Variants in SOX10 observed in about 807,000 individuals in gnomAD.
The protein encoded by SOX10 is transcription factor SOX-10.
In SOX10, 3 loss-of-function variants were observed where a neutral mutation model predicts 35.0. The observed-to-expected ratio is 0.09, with a 90% CI of 0.04 to 0.22. SOX10 has a LOEUF of 0.22. SOX10 is among the 10% of genes least tolerant of loss of function. The pLI is 1.00. For missense variants in SOX10, 436 were observed against 655.1 expected, an observed-to-expected ratio of 0.67 and a Z score of 3.65; for synonymous variants, 285 against 291.0, an observed-to-expected ratio of 0.98 and a Z score of 0.21.
rs1185830797 is a variant in SOX10 at position 37,978,390 on chromosome 22, C to T, written c.429-255G>A. Among the ~76,000 whole-genome samples, 1 of 152,208 alleles carries T rather than the reference C, an allele frequency of 6.6e-6. No homozygotes were observed. Among genetic ancestry groups the T allele is most frequent in the African/African-American group, 2.4e-5 (1 of 41,452 alleles). ...CTGGAGGGTGAGAGAGGGGTCAGCCCGCTGCTCCTGGCAGCCCCTGAGGAG... is the reference window on the plus strand; with the variant it reads ...CTGGAGGGTGAGAGAGGGGTCAGCCTGCTGCTCCTGGCAGCCCCTGAGGAG... On this transcript the variant is annotated intron_variant, in intron 2 of 3. Coordinates refer to ENST00000396884, the MANE Select transcript of SOX10 (RefSeq NM_006941.4). The surrounding 1 kb of genome is among the most constrained non-coding windows in gnomAD (Gnocchi z 5.0).
rs1932368162 is a variant in SOX10, at chr22:37,980,598, C to T, written c.429-2463G>A. 6.6e-6 allele frequency among the ~76,000 whole-genome samples: 1 copy of T among 152,136 alleles called. No homozygotes were observed. The highest frequency in any genetic ancestry group is 1.5e-5 in the Non-Finnish European group (1 of 68,022). ...ACCCCAACCCCAAGCCCAGCCTGCCCACCATGTAAACCCAATCTCCAGCAC... is the reference window on the plus strand; with the variant it reads ...ACCCCAACCCCAAGCCCAGCCTGCCTACCATGTAAACCCAATCTCCAGCAC... On this transcript the variant is annotated intron_variant, in intron 2 of 3. Coordinates refer to ENST00000396884, the MANE Select transcript of SOX10 (RefSeq NM_006941.4). The surrounding 1 kb of genome is among the most constrained non-coding windows in gnomAD (Gnocchi z 4.1).
At chr22:37,981,457 A>C (rs1932393283) in intron 2 of SOX10, among the ~76,000 whole-genome samples, 1 of 152,190 alleles carries the variant, frequency 6.6e-6, no homozygotes, top group African/African-American at 2.4e-5. Context: ...CCCTGTGCAC[A>C]CAGCTTGAGT....
Position 37,983,779 on chromosome 22 carries a change from C to T in SOX10, c.6G>A (p.Ala2=), listed in dbSNP as rs1443703462. The change falls in exon 2 of 4, where the codon GCG becomes GCA. Residue 2 remains alanine (A), a synonymous_variant. Coordinates refer to ENST00000396884, the MANE Select transcript of SOX10 (RefSeq NM_006941.4). This position sits in a 1 kb window ranked among gnomAD's most constrained non-coding sequence, Gnocchi z 9.5. ...CCACCTCCGATAGGTCCTGCTCCTC[C>T]GCCATGTCGCCCCCGGCCGCCGCCG... The part of the protein sequence containing the change: M[A]EEQDLSEVEL... The T allele has an allele frequency of 3.5e-6, 5 of 1,448,456 alleles. No homozygotes were observed. Among genetic ancestry groups the T allele is most frequent in the African/African-American group, 1.5e-5 (1 of 66,934 alleles). 89.7% of individuals were successfully genotyped at this position (1,448,456 alleles called of 1,614,324 possible).
At chr22:37,977,170 G>GA (rs796380875) in intron 3 of SOX10, among the ~76,000 whole-genome samples, 344 of 116,484 alleles carry the variant, frequency 3.0e-3, no homozygotes, top group African/African-American at 3.4e-3. Flanking sequence ...TCTGTCTCCA[G>GA]AAAAAAAAAA....
intron 2 of SOX10, among the ~76,000 whole-genome samples, chr22:37,981,466 G>T (rs1046747405): frequency 6.6e-6 from 1 of 152,226 alleles, no homozygotes; most frequent in African/African-American, 2.4e-5. Context: ...CACAGCTTGA[G>T]TGATGGCCAA....
chr22:37,983,841 G>C lies in SOX10; in HGVS notation c.-57C>G. 7.5e-7 allele frequency: 1 copy of C among 1,331,198 alleles called. No individual in the cohort carries two copies. Among genetic ancestry groups the C allele is most frequent in the Non-Finnish European group, 9.6e-7 (1 of 1,039,136 alleles). The allele number at this position is 1,331,198 out of a possible 1,614,324, so 82.5% of individuals were successfully genotyped here. On this transcript the variant is annotated 5_prime_UTR_variant, in exon 2 of 4. Transcript: ENST00000396884. This position sits in a 1 kb window ranked among gnomAD's most constrained non-coding sequence, Gnocchi z 9.5. ...GCCGCCTCCCCCGGGCCAGCCGCCG[G>C]GGTCCTCGCAAAGAGTCCAACGCCC... is the stretch of plus-strand genomic sequence containing the variant.
In SOX10 at chr22:37,980,656, C is replaced by T. The variant is rs1932369950; in HGVS notation, c.429-2521G>A. The stretch of plus-strand genomic sequence containing the variant: ...CACTCAACATTACCAGCCCCAAACC[C>T]CCAACTTCGCCTCCAGCTCTAACTC... On this transcript the variant is annotated intron_variant, in intron 2 of 3. Transcript: ENST00000396884. The surrounding 1 kb of genome is among the most constrained non-coding windows in gnomAD (Gnocchi z 4.1). 6.6e-6 allele frequency among the ~76,000 whole-genome samples: 1 copy of T among 152,198 alleles called. No individual in the cohort carries two copies. The highest frequency in any genetic ancestry group is 1.5e-5 in the Non-Finnish European group (1 of 68,032).
At chr22:37,976,487 A>G (rs1353613268) in intron 3 of SOX10, among the ~76,000 whole-genome samples, 1 of 152,198 alleles carries the variant, frequency 6.6e-6, no homozygotes, top group Non-Finnish European at 1.5e-5. Flanking sequence ...AGTGTTTGAC[A>G]CAAAGTAGGA....
chr22:37,973,430 C>T lies in SOX10; in HGVS notation c.*65G>A. On this transcript the variant is annotated 3_prime_UTR_variant, in exon 4 of 4. Coordinates refer to ENST00000396884, the MANE Select transcript of SOX10 (RefSeq NM_006941.4). ...CTGCCACCACCAGGCCTGAGGTGGG[C>T]AAGGAACAGGGCACACAGGCTGGGG... 9.1e-7 allele frequency: 1 copy of T among 1,098,982 alleles called. No individual in the cohort carries two copies. The highest frequency in any genetic ancestry group is 1.3e-6 in the Non-Finnish European group (1 of 772,564). The allele number at this position is 1,098,982 out of a possible 1,614,324, so 68.1% of individuals were successfully genotyped here. A position where few individuals can be genotyped will look rare whatever the true frequency, so the allele number is the denominator to read the frequency against.
At chr22:37,981,031 C>A (rs1932380038) in intron 2 of SOX10, among the ~76,000 whole-genome samples, 1 of 152,208 alleles carries the variant, frequency 6.6e-6, no homozygotes, top group African/African-American at 2.4e-5. Flanking sequence ...CTCAACTAGC[C>A]CCTCCCCAGA....
Position 37,973,817 on chromosome 22 carries a change from G to T in SOX10, c.1079C>A (p.Thr360Asn). ...VDAKAQVKTE[T>N]AGPQGPPHYT... ...GTGTGGGGGCCCCTGGGGCCCCGCG[G>T]TCTCTGTCTTCACCTGGGCTTTGGC... The change falls in exon 4 of 4, where the codon ACC (threonine) becomes AAC (asparagine). Residue 360 changes from threonine to asparagine, a missense_variant. Around this residue, in one of 3 missense-constraint regions of SOX10, gnomAD observed 285 missense variants for 402.9 expected, o/e 0.71. Transcript: ENST00000396884. 1 of 1,601,074 alleles carries T rather than the reference G, an allele frequency of 6.2e-7. No homozygotes were observed.
intron 2 of SOX10, among the ~76,000 whole-genome samples, chr22:37,979,140 C>T (rs1055190524): frequency 6.6e-6 from 1 of 151,870 alleles, no homozygotes; most frequent in African/African-American, 2.4e-5. Flanking sequence ...CTCTGTCGCC[C>T]AGGCTGGAGT....
chr22:37,976,122 C>G (rs1172363806), intron 3 of SOX10, among the ~76,000 whole-genome samples: 1 of 152,148 alleles, frequency 6.6e-6, no homozygotes, highest in Non-Finnish European at 1.5e-5. Context: ...ACTTAGGAGG[C>G]TGAGGCACAA....
rs1286394676 is a variant in SOX10, at chr22:37,978,330, C to G, written c.429-195G>C. Reference sequence around the variant, plus strand: ...GAGAGATGTGAGGCCCAAGGAATAACAGCCTCAGAGGGCTGCCCCCAAATC... The same window carrying G: ...GAGAGATGTGAGGCCCAAGGAATAAGAGCCTCAGAGGGCTGCCCCCAAATC... On this transcript the variant is annotated intron_variant, in intron 2 of 3. Transcript: ENST00000396884. This position sits in a 1 kb window ranked among gnomAD's most constrained non-coding sequence, Gnocchi z 5.0. Among the ~76,000 whole-genome samples, 1 of 152,238 alleles carries G rather than the reference C, an allele frequency of 6.6e-6. No homozygotes were observed. Among genetic ancestry groups the G allele is most frequent in the Non-Finnish European group, 1.5e-5 (1 of 68,036 alleles).
chr22:37,977,129 C>T (rs1932244203), intron 3 of SOX10, among the ~76,000 whole-genome samples: 2 of 150,036 alleles, frequency 1.3e-5, no homozygotes, highest in Non-Finnish European at 3.0e-5. Flanking sequence ...GATCATGCCA[C>T]TGCAGTCTAG....
chr22:37,982,971 T>C lies in SOX10; in HGVS notation c.428+386A>G, dbSNP rs117726159. Among the ~76,000 whole-genome samples the C allele has an allele frequency of 6.2e-3, 946 of 152,338 alleles. 3 individuals are homozygous for C. Among genetic ancestry groups the C allele is most frequent in the Non-Finnish European group, 0.01 (714 of 68,030 alleles). Reference sequence around the variant, plus strand: ...GAATCTCCAGCCAACCCTTTGGTTCTTTCCAAGCGTTTCCCTCGTATCCTC... The same window carrying C: ...GAATCTCCAGCCAACCCTTTGGTTCCTTCCAAGCGTTTCCCTCGTATCCTC... On this transcript the variant is annotated intron_variant, in intron 2 of 3. Transcript: ENST00000396884.
chr22:37,982,322 A>G (rs553582432), intron 2 of SOX10, among the ~76,000 whole-genome samples: 1 of 152,108 alleles, frequency 6.6e-6, no homozygotes, highest in Non-Finnish European at 1.5e-5. Context: ...GTCTAGCGAG[A>G]ATCAGGTGAC....
Position 37,974,320 on chromosome 22 carries a change from G to A in SOX10, c.698-122C>T, listed in dbSNP as rs1932159276. The A allele has an allele frequency of 1.4e-6, 1 of 710,960 alleles. No homozygotes were observed. The highest frequency in any genetic ancestry group is 2.3e-6 in the Non-Finnish European group (1 of 426,376). The allele number at this position is 710,960 out of a possible 1,614,324, so 44.0% of individuals were successfully genotyped here. ...GGGTGCCTCTGGGAAAACCTTGTAA[G>A]TTTCACATTTTGGCAGCATGAGTCG... On this transcript the variant is annotated intron_variant, in intron 3 of 3. Coordinates refer to ENST00000396884, the MANE Select transcript of SOX10 (RefSeq NM_006941.4). The surrounding 1 kb of genome is among the most constrained non-coding windows in gnomAD (Gnocchi z 5.4).
intron 2 of SOX10, among the ~76,000 whole-genome samples, chr22:37,981,891 G>C (rs1932408258): frequency 6.6e-6 from 1 of 152,196 alleles, no homozygotes; most frequent in Non-Finnish European, 1.5e-5. Context: ...GCTGAGAAGG[G>C]GCAGGGGAAG....
Sources: gnomAD v4.1 joint callset for allele counts (sites outside exome capture counted in the v4.1 genomes callset) on GRCh38, gnomAD v4.1.1 for gene constraint, gnomAD v4.1.1 regional missense constraint, Gnocchi (gnomAD v3.1) non-coding constraint, MANE v1.5 for transcripts, NCBI Gene and HGNC (gene_info 2026-07-23, HGNC 2026-07-21) for gene names.